The following PCBD2 variants were observed in gnomAD, a reference collection of about 807,000 sequenced individuals.
The protein encoded by PCBD2 is pterin-4-alpha-carbinolamine dehydratase 2.
In PCBD2, 12 loss-of-function variants were observed where a neutral mutation model predicts 16.4. That is an observed-to-expected ratio of 0.73 (90% CI 0.47 to 1.19). The LOEUF (loss-of-function observed/expected upper bound fraction) is 1.19. Ranked by LOEUF, PCBD2 falls within the 50% of genes most tolerant of loss-of-function variation. The pLI, the probability that PCBD2 is intolerant of heterozygous loss-of-function variation, is 0.00. For synonymous variants in PCBD2, 58 were observed against 61.8 expected (o/e 0.94, Z 0.29); for missense variants, 138 against 156.8 (o/e 0.88, Z 0.64).
chr5:134,958,034 ACAT>A (rs1176352439), intron 2 of PCBD2, among the ~76,000 whole-genome samples: 1 of 152,248 alleles, frequency 6.6e-6, no homozygotes, highest in East Asian at 1.9e-4. Context: ...GGCTTGACTA[ACAT>A]CATATTGGTT....
At chr5:134,912,667 G>T (rs1486927806) in intron 2 of PCBD2, among the ~76,000 whole-genome samples, 3 of 152,216 alleles carry the variant, frequency 2.0e-5, no homozygotes, top group African/African-American at 7.2e-5. Flanking sequence ...CTTGGACAAT[G>T]TTCATGTTTT....
chr5:134,910,736 A>G (rs113954173), intron 2 of PCBD2, among the ~76,000 whole-genome samples: 3 of 152,338 alleles, frequency 2.0e-5, no homozygotes, highest in African/African-American at 4.8e-5. Flanking sequence ...TGGTTAGGAT[A>G]TGTAGTTTCT....
At position 134,928,506 on chromosome 5, in the gene PCBD2, CT is replaced by C. The variant is rs112690229; in HGVS notation, c.216+18041del. ...AGTGGTAAGTTAGTTGTTTGTAGGG[CT>C]CATGGCAAGGGTAAAAGGAGTGAAG... On this transcript the variant is annotated intron_variant, in intron 2 of 3. Transcript: ENST00000254908. The C allele has an allele frequency of 8.3e-3, 2,471 of 298,348 alleles. 61 individuals are homozygous for C. The highest frequency in any genetic ancestry group is 0.05 in the African/African-American group (2,304 of 46,432). The allele number at this position is 298,348 out of a possible 1,614,324, so 18.5% of individuals were successfully genotyped here. A position where few individuals can be genotyped will look rare whatever the true frequency, so the allele number is the denominator to read the frequency against.
intron 2 of PCBD2, 84 bp downstream of exon 2, chr5:134,910,550 G>T: frequency 6.8e-7 from 1 of 1,463,964 alleles, no homozygotes; most frequent in Non-Finnish European, 9.4e-7. Flanking sequence ...CCAGTTGTCT[G>T]GTCCCATGTA....
chr5:134,917,452 C>T (rs1750847667), intron 2 of PCBD2, among the ~76,000 whole-genome samples: 1 of 152,174 alleles, frequency 6.6e-6, no homozygotes, highest in Admixed American at 6.5e-5. Flanking sequence ...GTGTGTAGGA[C>T]ATGAGGAGTT....
At chr5:134,911,766 A>T (rs1750771290) in intron 2 of PCBD2, among the ~76,000 whole-genome samples, 1 of 152,192 alleles carries the variant, frequency 6.6e-6, no homozygotes, top group South Asian at 2.1e-4. Flanking sequence ...CTCTGCTGTG[A>T]GTCTCCAACT....
intron 2 of PCBD2, among the ~76,000 whole-genome samples, chr5:134,915,623 T>C (rs1251958334): frequency 6.7e-6 from 1 of 150,298 alleles, no homozygotes; most frequent in African/African-American, 2.4e-5. Flanking sequence ...AATTTTTGAA[T>C]TTTTTTTTGC....
chr5:134,947,923 GA>G (rs1297156981), intron 2 of PCBD2, among the ~76,000 whole-genome samples: 1 of 151,888 alleles, frequency 6.6e-6, no homozygotes, highest in African/African-American at 2.4e-5. Context: ...ATAAGACTCT[GA>G]AAGCCAACAA....
At chr5:134,906,059 A>G (rs1378274996) in intron 1 of PCBD2, among the ~76,000 whole-genome samples, 2 of 150,814 alleles carry the variant, frequency 1.3e-5, no homozygotes, top group Non-Finnish European at 2.9e-5. Context: ...TTTTTAGTAG[A>G]GAGGGGTTTT....
intron 2 of PCBD2, among the ~76,000 whole-genome samples, chr5:134,947,824 A>G (rs1751315173): frequency 6.6e-6 from 1 of 152,118 alleles, no homozygotes; most frequent in East Asian, 1.9e-4. Context: ...TAATGATGAC[A>G]GTACCAAGGA....
intron 2 of PCBD2, among the ~76,000 whole-genome samples, chr5:134,911,584 A>T (rs1561906290): frequency 6.6e-6 from 1 of 152,244 alleles, no homozygotes; most frequent in Non-Finnish European, 1.5e-5. Context: ...TTCTGGGTAC[A>T]AACAGGCATT....
At chr5:134,950,089 A>G (rs568725697) in intron 2 of PCBD2, among the ~76,000 whole-genome samples, 12 of 152,330 alleles carry the variant, frequency 7.9e-5, no homozygotes, top group African/African-American at 2.9e-4. Context: ...ATCAGACATA[A>G]ATATCATTTC....
chr5:134,942,373 G>A (rs1269184407), intron 2 of PCBD2, among the ~76,000 whole-genome samples: 11 of 152,014 alleles, frequency 7.2e-5, no homozygotes, highest in Non-Finnish European at 7.4e-5. Flanking sequence ...TCTCTTCTCT[G>A]TAAAATAGGA....
At chr5:134,934,300 A>G (rs1056318000) in intron 2 of PCBD2, among the ~76,000 whole-genome samples, 9 of 152,132 alleles carry the variant, frequency 5.9e-5, no homozygotes, top group African/African-American at 1.9e-4. Context: ...CTTGGTGAAA[A>G]TGTTTTCTTG....
intron 2 of PCBD2, among the ~76,000 whole-genome samples, chr5:134,940,597 C>T (rs758161926): frequency 5.9e-5 from 9 of 152,108 alleles, no homozygotes; most frequent in Non-Finnish European, 1.3e-4. Context: ...TTGACCTTAT[C>T]ATGAAACTCT....
intron 2 of PCBD2, among the ~76,000 whole-genome samples, chr5:134,921,726 G>A (rs1296699972): frequency 1.3e-5 from 2 of 152,282 alleles, no homozygotes; most frequent in South Asian, 2.1e-4. Flanking sequence ...CTGGTGATTT[G>A]TTACCAAGAA....
At chr5:134,928,344 C>A in intron 2 of PCBD2, 1 of 380,574 alleles carries the variant, frequency 2.6e-6, no homozygotes, top group East Asian at 3.6e-5. Context: ...ATATGATTAT[C>A]ATAATTTAAT....
At chr5:134,940,279 G>A (rs1330524811) in intron 2 of PCBD2, among the ~76,000 whole-genome samples, 3 of 152,140 alleles carry the variant, frequency 2.0e-5, no homozygotes, top group Admixed American at 6.5e-5. Flanking sequence ...CCAAGCCTCC[G>A]GGGTTTAGGG....
intron 2 of PCBD2, chr5:134,927,406 C>T (rs186472335): frequency 3.3e-5 from 13 of 398,108 alleles, no homozygotes; most frequent in South Asian, 2.6e-4. Flanking sequence ...AGGTGGAGAC[C>T]GTAAAGAGGT....
Sources: allele counts gnomAD v4.1 joint callset (sites outside exome capture counted in the v4.1 genomes callset), GRCh38; gene constraint gnomAD v4.1.1; transcripts MANE v1.5; gene names NCBI Gene and HGNC (gene_info 2026-07-23, HGNC 2026-07-21).